NCOR1: variants seen among roughly 807,000 people sequenced by gnomAD.
The protein encoded by NCOR1 is nuclear receptor corepressor 1, also known as protein phosphatase 1, regulatory subunit 109.
In NCOR1, 63 loss-of-function variants were observed where a neutral mutation model predicts 288.1. That is an observed-to-expected ratio of 0.22 (90% confidence interval 0.18 to 0.27). The LOEUF (loss-of-function observed/expected upper bound fraction) is 0.27. Among genes scored for constraint, NCOR1 ranks in the 10% least tolerant of loss-of-function variants. The pLI is 1.00. For synonymous variants in NCOR1, 1,007 were observed against 1,065.9 expected (o/e 0.94, Z 1.08); for missense variants, 2,397 against 3,019.2 (o/e 0.79, Z 4.83).
intron 42 of NCOR1, 152 bp from the exon 43 acceptor site, chr17:16,040,646 G>GT (rs746774386): frequency 5.5e-4 from 417 of 759,554 alleles, no homozygotes; most frequent in South Asian, 2.2e-3. Context: ...TAAAATGGAA[G>GT]TATTTTTTTT....
intron 1 of NCOR1, among the ~76,000 whole-genome samples, chr17:16,197,921 A>G (rs1236579001): frequency 1.3e-5 from 2 of 152,016 alleles, no homozygotes; most frequent in South Asian, 2.1e-4. Context: ...ACCCAGTTAC[A>G]CTCCCAGAAG....
intron 1 of NCOR1, among the ~76,000 whole-genome samples, chr17:16,211,504 AT>A (rs2092126111): frequency 6.6e-6 from 1 of 152,128 alleles, no homozygotes; most frequent in Admixed American, 6.6e-5. Context: ...AAGTACTAGG[AT>A]TATAGGCATG....
Position 16,048,901 on chromosome 17 carries a change from C to G in NCOR1, c.6480G>C (p.Glu2160Asp), listed in dbSNP as rs761694632. Residue 2160 changes from glutamate (E) to aspartate (D), a missense_variant, in exon 41 of 46, where the codon GAG (glutamate) becomes GAC (aspartate). This residue lies in a region of NCOR1 where 1,872 missense variants were observed against 2,187.8 expected (regional missense o/e 0.86). Coordinates refer to ENST00000268712, the MANE Select transcript of NCOR1 (RefSeq NM_006311.4). ...ISPPQVPVVH[E>D]KQDSLLLLSQ... The stretch of plus-strand genomic sequence containing the variant: ...ACAAGAGCAGCAAGCTGTCCTGTTT[C>G]TCATGCACAACCGGAACCTGGGGTG... The G allele has an allele frequency of 3.7e-6, 6 of 1,613,960 alleles. No individual in the cohort carries two copies. The highest frequency in any genetic ancestry group is 5.1e-6 in the Non-Finnish European group (6 of 1,179,944).
At chr17:16,087,252 G>A (rs201654038) in intron 22 of NCOR1, 75 of 1,304,096 alleles carry the variant, frequency 5.8e-5, no homozygotes, top group Non-Finnish European at 6.9e-5. Flanking sequence ...AAGCCTACAC[G>A]GTGAGGCTGA....
At chr17:16,208,018 C>T (rs2091729882) in intron 1 of NCOR1, among the ~76,000 whole-genome samples, 1 of 148,540 alleles carries the variant, frequency 6.7e-6, no homozygotes, top group Non-Finnish European at 1.5e-5. Flanking sequence ...TATCAACCAA[C>T]CGTTCCATAT....
At chr17:16,077,291 G>A (rs1047267750) in intron 26 of NCOR1, among the ~76,000 whole-genome samples, 2 of 150,818 alleles carry the variant, frequency 1.3e-5, no homozygotes, top group African/African-American at 4.9e-5. Flanking sequence ...CAGCTACTTG[G>A]GTGGCTGAGG....
At chr17:16,080,170 A>G in intron 25 of NCOR1, 106 bp from the exon 26 acceptor site, 1 of 934,972 alleles carries the variant, frequency 1.1e-6, no homozygotes, top group Non-Finnish European at 1.6e-6. Flanking sequence ...AGAAAAGAAA[A>G]AAGCAGCACA....
intron 5 of NCOR1, among the ~76,000 whole-genome samples, chr17:16,163,916 G>A (rs1422359363): frequency 2.0e-5 from 3 of 152,184 alleles, no homozygotes; most frequent in Non-Finnish European, 4.4e-5. Context: ...ATATGATTCT[G>A]TTTTTTCTGA....
chr17:16,045,837 G>A (rs1191878700), intron 42 of NCOR1, among the ~76,000 whole-genome samples: 1 of 151,046 alleles, frequency 6.6e-6, no homozygotes, highest in Non-Finnish European at 1.5e-5. Context: ...TTTTTCTTGA[G>A]ACATCTCACT....
At chr17:16,057,206 T>G (rs1477797522) in intron 40 of NCOR1, 1 of 309,176 alleles carries the variant, frequency 3.2e-6, no homozygotes, top group Non-Finnish European at 6.2e-6. Flanking sequence ...ATGAGAGGTA[T>G]TATTCGGAAG....
chr17:16,116,097 G>A (rs983348507), intron 18 of NCOR1, among the ~76,000 whole-genome samples: 5 of 152,128 alleles, frequency 3.3e-5, no homozygotes, highest in Admixed American at 2.0e-4. Context: ...GAGCTTGTGC[G>A]GGGAAATTCC....
chr17:16,215,402 C>G lies in NCOR1; in HGVS notation c.-111G>C. 2.5e-6 allele frequency: 1 copy of G among 395,962 alleles called. No individual in the cohort carries two copies. Among genetic ancestry groups the G allele is most frequent in the African/African-American group, 2.1e-5 (1 of 48,614 alleles). The allele number at this position is 395,962 out of a possible 1,614,324, so 24.5% of individuals were successfully genotyped here. ...CGTGGGAGCCGACGTGCGCCCCGGC[C>G]TGAGGAGTGGGACGCGGCCACGGCG... On this transcript the variant is annotated 5_prime_UTR_variant, in exon 1 of 46. Coordinates refer to ENST00000268712, the MANE Select transcript of NCOR1 (RefSeq NM_006311.4).
At chr17:16,212,922 A>C (rs558403170) in intron 1 of NCOR1, among the ~76,000 whole-genome samples, 1 of 152,144 alleles carries the variant, frequency 6.6e-6, no homozygotes, top group East Asian at 1.9e-4. Flanking sequence ...CAAAAAAAAA[A>C]ATTAACCAGG....
chr17:16,061,322 T>C lies in NCOR1; in HGVS notation c.5881+79A>G, dbSNP rs938356997. On this transcript the variant is annotated intron_variant, in intron 37 of 45. Transcript: ENST00000268712. ...CAACCGTTAGGATTTTTAAATACCA[T>C]ATAGTTCTACTTGACCTAAAGAATA... 25 of 1,491,410 alleles carry C rather than the reference T, an allele frequency of 1.7e-5. No individual in the cohort carries two copies. The South Asian group carries it at 2.9e-4, about 17-fold the overall frequency. The allele number at this position is 1,491,410 out of a possible 1,614,324, so 92.4% of individuals were successfully genotyped here.
intron 9 of NCOR1, among the ~76,000 whole-genome samples, chr17:16,147,636 A>C (rs1199097388): frequency 6.6e-6 from 1 of 152,168 alleles, no homozygotes; most frequent in Admixed American, 6.5e-5. Flanking sequence ...ATTGGAGAAC[A>C]GAATATTATC....
chr17:16,132,316 G>A (rs973921585), intron 14 of NCOR1, among the ~76,000 whole-genome samples: 13 of 152,156 alleles, frequency 8.5e-5, no homozygotes, highest in African/African-American at 3.1e-4. Context: ...CCTGCACAGT[G>A]ACAGACTTAC....
chr17:16,095,184 C>A (rs921657265), intron 21 of NCOR1, among the ~76,000 whole-genome samples: 1 of 151,012 alleles, frequency 6.6e-6, no homozygotes, highest in Non-Finnish European at 1.5e-5. Flanking sequence ...GGCCGCCCAT[C>A]GTCTGAGATG....
At chr17:16,167,282 A>C (rs2082195012) in intron 4 of NCOR1, among the ~76,000 whole-genome samples, 1 of 152,130 alleles carries the variant, frequency 6.6e-6, no homozygotes, top group African/African-American at 2.4e-5. Flanking sequence ...TAAGATCAAA[A>C]CAGACAAGAT....
chr17:16,116,637 A>G lies in NCOR1; in HGVS notation c.2055+1251T>C, dbSNP rs543283355. 3.9e-5 allele frequency among the ~76,000 whole-genome samples: 6 copies of G among 152,326 alleles called. No individual in the cohort carries two copies. In the South Asian group the frequency reaches 1.0e-3, roughly 26 times the overall value. On this transcript the variant is annotated intron_variant, in intron 18 of 45. Coordinates refer to ENST00000268712, the MANE Select transcript of NCOR1 (RefSeq NM_006311.4). Reference sequence around the variant, plus strand: ...AATCTAAAATGACATTCCATGAAAAAGGGGAGGCTGGTGCAACTTAGAACT... The same window carrying G: ...AATCTAAAATGACATTCCATGAAAAGGGGGAGGCTGGTGCAACTTAGAACT...
Sources: gnomAD v4.1 joint callset for allele counts (sites outside exome capture counted in the v4.1 genomes callset) on GRCh38, gnomAD v4.1.1 for gene constraint, gnomAD v4.1.1 regional missense constraint, MANE v1.5 for transcripts, NCBI Gene and HGNC (gene_info 2026-07-23, HGNC 2026-07-21) for gene names.